The following CD276 variants were observed in gnomAD, a reference collection of about 807,000 sequenced individuals.
CD276 encodes CD276 molecule.
Under a neutral mutation model 50.0 loss-of-function variants are expected in CD276, and 34 were observed. That is an observed-to-expected ratio of 0.68 (90% CI 0.52 to 0.91). The LOEUF is 0.91. Among genes scored for constraint, CD276 ranks in the 40% least tolerant of loss-of-function variants. CD276 has a pLI of 0.00. For synonymous variants in CD276, 275 were observed against 313.0 expected, an observed-to-expected ratio of 0.88 and a Z score of 1.28; for missense variants, 634 against 717.5, an observed-to-expected ratio of 0.88 and a Z score of 1.33.
At chr15:73,710,614 C>A (rs1900857393) in intron 8 of CD276, among the ~76,000 whole-genome samples, 1 of 152,226 alleles carries the variant, frequency 6.6e-6, no homozygotes, top group Admixed American at 6.5e-5. Context: ...TAAATTATGC[C>A]AATTAATTCT....
chr15:73,691,989 G>T (rs1439400663), intron 1 of CD276, among the ~76,000 whole-genome samples: 1 of 152,142 alleles, frequency 6.6e-6, no homozygotes, highest in Non-Finnish European at 1.5e-5. Flanking sequence ...GGTTGGACAC[G>T]TGGGTCACAG....
rs781323702 is a variant in CD276 at position 73,699,731 on chromosome 15, G to T, written c.79+13G>T. ...TTCTGCCTCACAGGTGAGGGTAGCA[G>T]CATGGGGACGGGAGGGGAGGGACAG... On this transcript the variant is annotated intron_variant, in intron 2 of 9. Transcript: ENST00000318443. 1.9e-6 allele frequency: 3 copies of T among 1,585,422 alleles called. No individual in the cohort carries two copies. The East Asian group carries it at 6.8e-5, about 36-fold the overall frequency.
intron 1 of CD276, among the ~76,000 whole-genome samples, chr15:73,692,999 T>C (rs1226707796): frequency 6.6e-6 from 1 of 152,126 alleles, no homozygotes. Flanking sequence ...AGTTGATTGG[T>C]CCCCAGCCAG....
At position 73,702,439 on chromosome 15, in the gene CD276, C is replaced by T; in HGVS notation, c.264C>T (p.Ala88=). 3 of 1,613,816 alleles carry T rather than the reference C, an allele frequency of 1.9e-6. No individual in the cohort carries two copies. The highest frequency in any genetic ancestry group is 2.5e-6 in the Non-Finnish European group (3 of 1,180,026). Residue 88 remains alanine, a synonymous_variant, in exon 3 of 10, where the codon GCC becomes GCT. Coordinates refer to ENST00000318443, the MANE Select transcript of CD276 (RefSeq NM_001024736.2). ...SFAEGQDQGS[A]YANRTALFPD... is the part of the protein sequence containing the mutation. The stretch of plus-strand genomic sequence containing the variant: ...CTGAGGGCCAGGACCAGGGCAGCGC[C>T]TATGCCAACCGCACGGCCCTCTTCC...
chr15:73,713,016 G>A lies in CD276; in HGVS notation c.*60G>A. Reference sequence around the variant, plus strand: ...AGCTCCTACCCTCTGGCTGCAATGGGGCTGCACTGTGAGCCCTGCCCCCAA... The same window carrying A: ...AGCTCCTACCCTCTGGCTGCAATGGAGCTGCACTGTGAGCCCTGCCCCCAA... On this transcript the variant is annotated 3_prime_UTR_variant, in exon 10 of 10. Coordinates refer to ENST00000318443, the MANE Select transcript of CD276 (RefSeq NM_001024736.2). The A allele has an allele frequency of 6.5e-7, 1 of 1,539,050 alleles. No individual in the cohort carries two copies. The highest frequency in any genetic ancestry group is 1.1e-5 in the South Asian group (1 of 87,934).
chr15:73,699,522 T>C, intron 1 of CD276, 64 bp from the exon 2 acceptor site: 2 of 1,533,570 alleles, frequency 1.3e-6, no homozygotes, highest in Non-Finnish European at 1.7e-6. Flanking sequence ...CCAGGAGAGA[T>C]GAGGCAAGAG....
intron 3 of CD276, 44 bp from the exon 4 acceptor site, chr15:73,702,728 C>T: frequency 6.3e-7 from 1 of 1,589,546 alleles, no homozygotes; most frequent in Non-Finnish European, 8.6e-7. Context: ...TTTTCGTCCT[C>T]TGCCATTGCC....
rs1216450583 is a variant in CD276, at chr15:73,696,390, C to T, written c.-54-3196C>T. On this transcript the variant is annotated intron_variant, in intron 1 of 9. Transcript: ENST00000318443. ...CTCTCCCATTCTCCAGGGAGCACTTCCTTTCTGAGCTCTGTCTCTTTCTCC... is the reference window on the plus strand; with the variant it reads ...CTCTCCCATTCTCCAGGGAGCACTTTCTTTCTGAGCTCTGTCTCTTTCTCC... Among the ~76,000 whole-genome samples, 6 of 152,292 alleles carry T rather than the reference C, an allele frequency of 3.9e-5. No homozygotes were observed. In the East Asian group the frequency reaches 1.2e-3, roughly 30 times the overall value.
intron 6 of CD276, among the ~76,000 whole-genome samples, chr15:73,707,039 T>G (rs2141577395): frequency 6.6e-6 from 1 of 152,334 alleles, no homozygotes; most frequent in African/African-American, 2.4e-5. Flanking sequence ...ACACCTCTCT[T>G]CATCACTGGG....
intron 1 of CD276, among the ~76,000 whole-genome samples, chr15:73,695,398 T>C (rs930385589): frequency 1.3e-5 from 2 of 152,144 alleles, no homozygotes; most frequent in Non-Finnish European, 2.9e-5. Flanking sequence ...GGGGAGCTGC[T>C]CATGACTTTT....
chr15:73,686,029 T>C (rs980036425), intron 1 of CD276, among the ~76,000 whole-genome samples: 3 of 152,200 alleles, frequency 2.0e-5, no homozygotes, highest in Admixed American at 1.3e-4. Context: ...GTCAGCTTAC[T>C]GGAGTATCCT....
At chr15:73,701,018 C>T (rs1900366310) in intron 2 of CD276, among the ~76,000 whole-genome samples, 2 of 145,018 alleles carry the variant, frequency 1.4e-5, no homozygotes, top group African/African-American at 2.6e-5. Context: ...ATTCTCCTGC[C>T]TCAGCCTCCT....
chr15:73,709,478 G>A (rs1900801212), intron 7 of CD276, 170 bp from the exon 8 acceptor site: 6 of 664,584 alleles, frequency 9.0e-6, no homozygotes, highest in Non-Finnish European at 1.6e-5. Context: ...CACAGGCTCG[G>A]CTCTGCTGTG....
chr15:73,687,902 G>A lies in CD276; in HGVS notation c.-55+3442G>A, dbSNP rs1899832597. Among the ~76,000 whole-genome samples, 1 of 152,134 alleles carries A rather than the reference G, an allele frequency of 6.6e-6. No homozygotes were observed. The highest frequency in any genetic ancestry group is 1.5e-5 in the Non-Finnish European group (1 of 68,016). On this transcript the variant is annotated intron_variant, in intron 1 of 9. Coordinates refer to ENST00000318443, the MANE Select transcript of CD276 (RefSeq NM_001024736.2). The surrounding 1 kb of genome is among the most constrained non-coding windows in gnomAD (Gnocchi z 4.0). ...GGTCCCAAGTTACCCTAGAGGCAAT[G>A]CAGGCTCCTAGGAACTGGGGCTGCC...
intron 9 of CD276, 92 bp from the exon 10 acceptor site, chr15:73,712,842 G>A: frequency 1.5e-6 from 2 of 1,327,870 alleles, no homozygotes; most frequent in Non-Finnish European, 2.1e-6. Flanking sequence ...GTCTGACCAG[G>A]TGCTTGGGCT....
At position 73,692,345 on chromosome 15, in the gene CD276, C is replaced by T. The variant is rs142466100; in HGVS notation, c.-54-7241C>T. 4.2e-3 allele frequency among the ~76,000 whole-genome samples: 637 copies of T among 152,276 alleles called. 2 individuals carry two copies. Among genetic ancestry groups the T allele is most frequent in the African/African-American group, 0.014 (601 of 41,546 alleles). On this transcript the variant is annotated intron_variant, in intron 1 of 9. Transcript: ENST00000318443. ...TTCTATTTTAATGATATATTTGTTT[C>T]CTAAACCTTTTTTCTATTTTTAATA...
chr15:73,711,037 C>T lies in CD276; in HGVS notation c.1547-98C>T. On this transcript the variant is annotated intron_variant, in intron 8 of 9. Transcript: ENST00000318443. ...AGTGGTCCCACTCTGCTGACTTGTC[C>T]CGCCCCTTCCAGCCCTCACTCCTCC... 8 of 1,295,110 alleles carry T rather than the reference C, an allele frequency of 6.2e-6. No homozygotes were observed. The South Asian group carries it at 9.8e-5, about 16-fold the overall frequency. 80.2% of individuals were successfully genotyped at this position (1,295,110 alleles called of 1,614,324 possible).
chr15:73,707,075 G>A (rs914957425), intron 6 of CD276, among the ~76,000 whole-genome samples: 1 of 152,176 alleles, frequency 6.6e-6, no homozygotes, highest in African/African-American at 2.4e-5. Context: ...GCTTCCAATG[G>A]CCAGAGCAGC....
At chr15:73,686,276 T>A (rs1238821435) in intron 1 of CD276, 1 of 985,018 alleles carries the variant, frequency 1.0e-6, no homozygotes, top group East Asian at 1.1e-4. Flanking sequence ...TCTAGACTCC[T>A]GTGCTGTGAG....
Sources: gnomAD v4.1 joint callset for allele counts (sites outside exome capture counted in the v4.1 genomes callset) on GRCh38, gnomAD v4.1.1 for gene constraint, Gnocchi (gnomAD v3.1) non-coding constraint, MANE v1.5 for transcripts, NCBI Gene and HGNC (gene_info 2026-07-23, HGNC 2026-07-21) for gene names.